Variants in PCDHGA10 observed in about 807,000 individuals in gnomAD.
PCDHGA10 encodes protocadherin gamma subfamily A, 10.
PCDHGA10 carries 42 observed loss-of-function variants against 59.5 expected under a neutral mutation model. The ratio of observed to expected loss-of-function variants is 0.71; its 90% CI spans 0.55 to 0.91. PCDHGA10 has a LOEUF of 0.91. Among genes scored for constraint, PCDHGA10 ranks in the 40% least tolerant of loss-of-function variants. The pLI is 0.00. For synonymous variants in PCDHGA10, 511 were observed against 517.2 expected (o/e 0.99, Z 0.16); for missense variants, 1,111 against 1,198.2 (o/e 0.93, Z 1.07).
In PCDHGA10 at chr5:141,413,290, A is replaced by T; in HGVS notation, c.115A>T (p.Ile39Phe). 6.2e-7 allele frequency: 1 copy of T among 1,613,924 alleles called. No individual in the cohort carries two copies. Among genetic ancestry groups the T allele is most frequent in the Non-Finnish European group, 8.5e-7 (1 of 1,179,902 alleles). The stretch of plus-strand genomic sequence containing the variant: ...TGGAGCCCGGCAGATCTCCTACTCA[A>T]TTCCTGAGGAATTAGAGAAAGGCTC... ...EAGARQISYS[I>F]PEELEKGSFV... is the part of the protein sequence containing the mutation. The change falls in exon 1 of 4, where the codon ATT becomes TTT. Residue 39 changes from isoleucine to phenylalanine, a missense_variant. Coordinates refer to ENST00000398610, the MANE Select transcript of PCDHGA10 (RefSeq NM_018913.3).
intron 1 of PCDHGA10, chr5:141,427,703 C>T (rs529490424): frequency 1.0e-6 from 1 of 957,508 alleles, no homozygotes. Flanking sequence ...CACAAGTCAG[C>T]GCCTCTGACC....
chr5:141,477,634 G>C lies in PCDHGA10; in HGVS notation c.2437-17173G>C. 2 of 1,614,176 alleles carry C rather than the reference G, an allele frequency of 1.2e-6. No individual in the cohort carries two copies. Among genetic ancestry groups the C allele is most frequent in the Non-Finnish European group, 1.7e-6 (2 of 1,180,034 alleles). On this transcript the variant is annotated intron_variant, in intron 1 of 3. Transcript: ENST00000398610. This position sits in a 1 kb window ranked among gnomAD's most constrained non-coding sequence, Gnocchi z 4.9. Reference sequence around the variant, plus strand: ...AGCAAGGAGCTGAAACCGGGCTAGTGGGTCGCTATTTCACAATAAATCGTG... The same window carrying C: ...AGCAAGGAGCTGAAACCGGGCTAGTCGGTCGCTATTTCACAATAAATCGTG...
In PCDHGA10 at chr5:141,476,574, G is replaced by C. The variant is rs746783993; in HGVS notation, c.2437-18233G>C. The C allele has an allele frequency of 1.1e-5, 18 of 1,614,084 alleles. No homozygotes were observed. The Admixed American group carries it at 1.8e-4, about 16-fold the overall frequency. On this transcript the variant is annotated intron_variant, in intron 1 of 3. Coordinates refer to ENST00000398610, the MANE Select transcript of PCDHGA10 (RefSeq NM_018913.3). The surrounding 1 kb of genome is among the most constrained non-coding windows in gnomAD (Gnocchi z 7.6). ...AGCGAGGCCGTGGCTCCGGGGACGC[G>C]CTTTCCGCTCGAGAGCGCGCACGAT...
Position 141,437,358 on chromosome 5 carries a change from T to C in PCDHGA10, c.2436+21747T>C, listed in dbSNP as rs115917828. ...CTTCACTGTTTTATAGTACCTAAAATTGGAATGTAATCAGTCAGAAGACAT... is the reference window on the plus strand; with the variant it reads ...CTTCACTGTTTTATAGTACCTAAAACTGGAATGTAATCAGTCAGAAGACAT... On this transcript the variant is annotated intron_variant, in intron 1 of 3. Coordinates refer to ENST00000398610, the MANE Select transcript of PCDHGA10 (RefSeq NM_018913.3). 4.6e-3 allele frequency among the ~76,000 whole-genome samples: 702 copies of C among 152,356 alleles called. 4 individuals carry two copies. Among genetic ancestry groups the C allele is most frequent in the African/African-American group, 0.015 (639 of 41,574 alleles).
intron 1 of PCDHGA10, among the ~76,000 whole-genome samples, chr5:141,472,497 G>A (rs1196427013): frequency 1.3e-5 from 2 of 151,958 alleles, no homozygotes; most frequent in Non-Finnish European, 2.9e-5. Context: ...ACGAGATCGT[G>A]CCACTGCACT....
Position 141,413,388 on chromosome 5 carries a change from C to T in PCDHGA10, c.213C>T (p.Val71=), listed in dbSNP as rs765673305. Residue 71 remains valine, a synonymous_variant, in exon 1 of 4, where the codon GTC becomes GTT. Coordinates refer to ENST00000398610, the MANE Select transcript of PCDHGA10 (RefSeq NM_018913.3). ...TGGCGGAGCGCGGAGTCCGCATAGT[C>T]TCCAGAGGTAGGACGCAGCTTTTCT... ...RELAERGVRI[V]SRGRTQLFSL... 2.4e-5 allele frequency: 39 copies of T among 1,614,012 alleles called. No homozygotes were observed. The highest frequency in any genetic ancestry group is 3.2e-5 in the Non-Finnish European group (38 of 1,179,922).
In PCDHGA10 at chr5:141,485,735, G is replaced by A; in HGVS notation, c.2437-9072G>A. 6.2e-7 allele frequency: 1 copy of A among 1,614,166 alleles called. No homozygotes were observed. The highest frequency in any genetic ancestry group is 8.5e-7 in the Non-Finnish European group (1 of 1,180,036). On this transcript the variant is annotated intron_variant, in intron 1 of 3. Coordinates refer to ENST00000398610, the MANE Select transcript of PCDHGA10 (RefSeq NM_018913.3). The surrounding 1 kb of genome is among the most constrained non-coding windows in gnomAD (Gnocchi z 5.7). Reference sequence around the variant, plus strand: ...ACTGGATGTGAAGAAGCGCAGCGACGGCAGCCTGGTCCCAGAGCTGCTCCT... The same window carrying A: ...ACTGGATGTGAAGAAGCGCAGCGACAGCAGCCTGGTCCCAGAGCTGCTCCT...
At chr5:141,417,851 G>A (rs1196210157) in intron 1 of PCDHGA10, 1 of 1,543,512 alleles carries the variant, frequency 6.5e-7, no homozygotes, top group Non-Finnish European at 8.8e-7. Flanking sequence ...GCGAGAACCC[G>A]AGCGAACGAT....
Position 141,494,872 on chromosome 5 carries a change from G to A in PCDHGA10, c.2495+7G>A. On this transcript the variant is annotated splice_region_variant and intron_variant, in intron 2 of 3. Transcript: ENST00000398610. ...AGAGACCCGGCACCAGCGGGTAGGT[G>A]ACTGATTCTCCAGCCCACCCTCTTC... 1 of 1,614,128 alleles carries A rather than the reference G, an allele frequency of 6.2e-7. No individual in the cohort carries two copies. Among genetic ancestry groups the A allele is most frequent in the South Asian group, 1.1e-5 (1 of 91,074 alleles).
chr5:141,431,726 G>C lies in PCDHGA10; in HGVS notation c.2436+16115G>C. On this transcript the variant is annotated intron_variant, in intron 1 of 3. Coordinates refer to ENST00000398610, the MANE Select transcript of PCDHGA10 (RefSeq NM_018913.3). The surrounding 1 kb of genome is among the most constrained non-coding windows in gnomAD (Gnocchi z 4.8). ...CTACCAGATGGAAGTGCAAGCAATG[G>C]ATAATGCAGGATATTCTGCGCGAGC... The C allele has an allele frequency of 6.2e-7, 1 of 1,614,204 alleles. No homozygotes were observed. Among genetic ancestry groups the C allele is most frequent in the Non-Finnish European group, 8.5e-7 (1 of 1,180,032 alleles).
At position 141,423,009 on chromosome 5, in the gene PCDHGA10, G is replaced by A. The variant is rs371209178; in HGVS notation, c.2436+7398G>A. 28 of 1,614,222 alleles carry A rather than the reference G, an allele frequency of 1.7e-5. No individual in the cohort carries two copies. The East Asian group carries it at 4.9e-4, about 28-fold the overall frequency. On this transcript the variant is annotated intron_variant, in intron 1 of 3. Transcript: ENST00000398610. ...GCTACCTGGTGACCAAGGTGGTTGC[G>A]GTGGACAAAGATTCAGGCCAGAACG...
chr5:141,484,219 C>T (rs766309865), intron 1 of PCDHGA10, among the ~76,000 whole-genome samples: 1 of 152,162 alleles, frequency 6.6e-6, no homozygotes, highest in Non-Finnish European at 1.5e-5. Context: ...TAGCATTCTG[C>T]CAGGTAAAGA....
intron 1 of PCDHGA10, among the ~76,000 whole-genome samples, chr5:141,463,706 A>T (rs568865377): frequency 2.9e-3 from 440 of 152,024 alleles, no homozygotes; most frequent in Non-Finnish European, 4.6e-3. Context: ...TCGGCCTCCA[A>T]AAGTGCTGGG....
chr5:141,468,651 G>C (rs2099171216), intron 1 of PCDHGA10: 1 of 152,018 alleles, frequency 6.6e-6, no homozygotes, highest in African/African-American at 2.4e-5. Context: ...CGGATCACAA[G>C]GTCAGGAGAT....
Position 141,489,147 on chromosome 5 carries a change from A to G in PCDHGA10, c.2437-5660A>G. On this transcript the variant is annotated intron_variant, in intron 1 of 3. Coordinates refer to ENST00000398610, the MANE Select transcript of PCDHGA10 (RefSeq NM_018913.3). The surrounding 1 kb of genome is among the most constrained non-coding windows in gnomAD (Gnocchi z 4.5). ...GCAGTTTTTAAGAGGCTGGAAGGAG[A>G]CATAAGAGACTTCAGCTGCTGCATT... The G allele has an allele frequency of 1.2e-6, 1 of 802,676 alleles. No homozygotes were observed. Among genetic ancestry groups the G allele is most frequent in the Non-Finnish European group, 1.9e-6 (1 of 528,868 alleles). 49.7% of individuals were successfully genotyped at this position (802,676 alleles called of 1,614,324 possible). A position where few individuals can be genotyped will look rare whatever the true frequency, so the allele number is the denominator to read the frequency against.
Position 141,413,419 on chromosome 5 carries a change from A to C in PCDHGA10, c.244A>C (p.Asn82His). The change falls in exon 1 of 4, where the codon AAC (asparagine) becomes CAC (histidine). Residue 82 changes from asparagine to histidine, a missense_variant. Transcript: ENST00000398610. ...SRGRTQLFSL[N>H]PRSGSLITAG... is the part of the protein sequence containing the mutation. ...AGGTAGGACGCAGCTTTTCTCTCTG[A>C]ACCCGCGCAGCGGCAGCTTGATCAC... The C allele has an allele frequency of 6.2e-7, 1 of 1,614,084 alleles. No individual in the cohort carries two copies. Among genetic ancestry groups the C allele is most frequent in the Non-Finnish European group, 8.5e-7 (1 of 1,179,952 alleles).
At chr5:141,453,331 C>G (rs1224258701) in intron 1 of PCDHGA10, among the ~76,000 whole-genome samples, 1 of 151,962 alleles carries the variant, frequency 6.6e-6, no homozygotes, top group East Asian at 1.9e-4. Flanking sequence ...TGGGGTCTCA[C>G]TATGTTTCCC....
At chr5:141,464,413 A>G (rs2099083422) in intron 1 of PCDHGA10, among the ~76,000 whole-genome samples, 1 of 151,632 alleles carries the variant, frequency 6.6e-6, no homozygotes, top group African/African-American at 2.4e-5. Context: ...ATATATATAT[A>G]TCTATATATA....
At chr5:141,428,184 C>A in intron 1 of PCDHGA10, 32 of 1,463,670 alleles carry the variant, frequency 2.2e-5, no homozygotes, top group Non-Finnish European at 3.0e-5. Context: ...GGAGGACAGC[C>A]GCCGCTCTCT....
Sources: gnomAD v4.1 joint callset for allele counts (sites outside exome capture counted in the v4.1 genomes callset) on GRCh38, gnomAD v4.1.1 for gene constraint, Gnocchi (gnomAD v3.1) non-coding constraint, MANE v1.5 for transcripts, NCBI Gene and HGNC (gene_info 2026-07-23, HGNC 2026-07-21) for gene names.